CCDC7: variants seen among roughly 807,000 people sequenced by gnomAD.
CCDC7 encodes coiled-coil domain containing 7.
A neutral mutation model predicts 196.9 loss-of-function variants in CCDC7; 183 were observed. The observed-to-expected ratio is 0.93, with a 90% CI of 0.82 to 1.05. CCDC7 has a LOEUF of 1.05. Ranked by LOEUF, CCDC7 falls within the 50% of genes least tolerant of loss-of-function variation. The pLI is 0.00. For synonymous variants in CCDC7, 525 were observed against 484.6 expected, an observed-to-expected ratio of 1.08 and a Z score of -1.10; for missense variants, 1,540 against 1,482.2, an observed-to-expected ratio of 1.04 and a Z score of -0.64.
intron 13 of CCDC7, among the ~76,000 whole-genome samples, chr10:32,564,353 T>C (rs932542210): frequency 1.1e-4 from 16 of 152,096 alleles, no homozygotes; most frequent in African/African-American, 3.9e-4. Flanking sequence ...CATGCACACG[T>C]ATGTTTATTG....
chr10:32,543,170 A>G, intron 11 of CCDC7, 130 bp from the exon 13 acceptor site: 1 of 954,218 alleles, frequency 1.0e-6, no homozygotes, highest in Non-Finnish European at 1.4e-6. Flanking sequence ...TTCTATGCAG[A>G]TAATTTTTCC....
intron 13 of CCDC7, among the ~76,000 whole-genome samples, chr10:32,546,206 G>C (rs181342153): frequency 6.6e-6 from 1 of 152,178 alleles, no homozygotes; most frequent in African/African-American, 2.4e-5. Flanking sequence ...AATTAACAGA[G>C]TACCAGATAT....
rs751770343 is a variant in CCDC7, at chr10:32,851,814, TTA to T, written c.3905_3906del (p.Tyr1302Ter). On this transcript the variant is annotated frameshift_variant, in exon 40 of 42. Coordinates refer to ENST00000639629, the Ensembl canonical transcript of CCDC7. LOFTEE classifies it high-confidence loss of function. ...TTTTCCAAATTTTTCTAGAGGAAAC[TTA>T]TGAGTACTCTTCACCCTATGTGACT... 17 of 1,608,778 alleles carry T rather than the reference TTA, an allele frequency of 1.1e-5. No homozygotes were observed. The highest frequency in any genetic ancestry group is 1.3e-5 in the African/African-American group (1 of 74,636).
chr10:32,589,592 G>A (rs1029852636), intron 18 of CCDC7, among the ~76,000 whole-genome samples: 3 of 152,016 alleles, frequency 2.0e-5, no homozygotes, highest in African/African-American at 7.2e-5. Context: ...GATTAAGTAC[G>A]AGATTTCTTT....
At chr10:32,458,170 T>G (rs183147608) in intron 3 of CCDC7, among the ~76,000 whole-genome samples, 46 of 152,282 alleles carry the variant, frequency 3.0e-4, no homozygotes, top group African/African-American at 1.1e-3. Context: ...GGTTTTACAT[T>G]AAAGGCTTTA....
At chr10:32,755,872 G>C (rs974830986) in intron 28 of CCDC7, among the ~76,000 whole-genome samples, 1 of 152,070 alleles carries the variant, frequency 6.6e-6, no homozygotes, top group Non-Finnish European at 1.5e-5. Flanking sequence ...AAGATGAGAC[G>C]AATGGCTAAC....
At chr10:32,652,571 A>G (rs778064860) in intron 20 of CCDC7, among the ~76,000 whole-genome samples, 2 of 152,048 alleles carry the variant, frequency 1.3e-5, no homozygotes, top group Non-Finnish European at 2.9e-5. Flanking sequence ...TATATCTATT[A>G]TAGGTTTTCA....
intron 9 of CCDC7, among the ~76,000 whole-genome samples, chr10:32,507,033 T>C (rs2045291783): frequency 6.6e-6 from 1 of 152,106 alleles, no homozygotes; most frequent in South Asian, 2.1e-4. Flanking sequence ...TTTTGTGTGT[T>C]CCAGGCTGGA....
intron 30 of CCDC7, among the ~76,000 whole-genome samples, chr10:32,813,094 GCAA>G (rs35146963): frequency 0.11 from 16,215 of 151,152 alleles, 1,056 homozygotes; most frequent in South Asian, 0.26. Flanking sequence ...TCCCAAAACA[GCAA>G]CAACAACAAC....
intron 24 of CCDC7, among the ~76,000 whole-genome samples, chr10:32,705,910 C>T (rs7096294): frequency 0.14 from 21,838 of 152,014 alleles, 1,962 homozygotes; most frequent in African/African-American, 0.25. Context: ...GACAGATCAA[C>T]GAGACAGAAA....
At position 32,700,231 on chromosome 10, in the gene CCDC7, A is replaced by T. The variant is rs538054435; in HGVS notation, c.2458+5239A>T. 4.7e-5 allele frequency among the ~76,000 whole-genome samples: 7 copies of T among 149,624 alleles called. 2 individuals carry two copies. Among genetic ancestry groups the T allele is most frequent in the African/African-American group, 1.8e-4 (7 of 38,964 alleles). ...TAATCGATCTTGAATTAATTTTTGT[A>T]TAAGGTGTAAGGAAGGGATCCAGAT... On this transcript the variant is annotated intron_variant, in intron 24 of 41. Coordinates refer to ENST00000639629, the Ensembl canonical transcript of CCDC7.
intron 18 of CCDC7, among the ~76,000 whole-genome samples, chr10:32,626,556 T>C (rs12257864): frequency 0.019 from 2,851 of 152,112 alleles, 94 homozygotes; most frequent in African/African-American, 0.065. Flanking sequence ...TGCAGAAACT[T>C]TTCAATTTTA....
chr10:32,780,650 G>A (rs1015339806), intron 29 of CCDC7, among the ~76,000 whole-genome samples: 3 of 151,996 alleles, frequency 2.0e-5, no homozygotes, highest in Non-Finnish European at 2.9e-5. Context: ...GAAGAAAAGA[G>A]AAAGGAATCA....
chr10:32,596,721 G>A (rs975158688), intron 18 of CCDC7, among the ~76,000 whole-genome samples: 5 of 152,138 alleles, frequency 3.3e-5, no homozygotes, highest in Admixed American at 3.3e-4. Flanking sequence ...GGCAGGCGTT[G>A]TGATAACAAA....
At chr10:32,631,313 C>T (rs2064827451) in intron 18 of CCDC7, among the ~76,000 whole-genome samples, 2 of 152,066 alleles carry the variant, frequency 1.3e-5, no homozygotes, top group African/African-American at 4.8e-5. Flanking sequence ...GGTCTGCAGT[C>T]CACTTTGAGT....
chr10:32,738,229 C>G (rs530140363), intron 28 of CCDC7, among the ~76,000 whole-genome samples: 2 of 152,058 alleles, frequency 1.3e-5, no homozygotes, highest in African/African-American at 4.8e-5. Flanking sequence ...TTAGAATTTA[C>G]AATGTACATT....
At chr10:32,526,083 A>G (rs1303477080) in intron 11 of CCDC7, among the ~76,000 whole-genome samples, 3 of 152,044 alleles carry the variant, frequency 2.0e-5, no homozygotes, top group African/African-American at 7.2e-5. Flanking sequence ...AAACCTTAGC[A>G]TTTTACCTGA....
At chr10:32,551,320 A>G (rs1226623584) in intron 13 of CCDC7, among the ~76,000 whole-genome samples, 1 of 151,818 alleles carries the variant, frequency 6.6e-6, no homozygotes, top group African/African-American at 2.4e-5. Context: ...TTAATGGTCG[A>G]TCAGTTTTAT....
chr10:32,814,541 G>C (rs1051570203), intron 31 of CCDC7, 88 bp downstream of exon 32: 6 of 899,988 alleles, frequency 6.7e-6, no homozygotes, highest in Non-Finnish European at 1.1e-5. Flanking sequence ...AAGGAGAACA[G>C]TGCCTATGAA....
Sources: allele counts gnomAD v4.1 joint callset (sites outside exome capture counted in the v4.1 genomes callset), GRCh38; gene constraint gnomAD v4.1.1; transcripts MANE v1.5; gene names NCBI Gene and HGNC (gene_info 2026-07-23, HGNC 2026-07-21).